RFX3: variants seen among roughly 807,000 people sequenced by gnomAD.
RFX3 encodes regulatory factor X3, also known as transcription factor RFX3.
Under a neutral mutation model 98.6 loss-of-function variants are expected in RFX3, and 14 were observed. The ratio of observed to expected loss-of-function variants is 0.14; its 90% CI spans 0.09 to 0.22. The LOEUF is 0.22. RFX3 is among the 10% of genes least tolerant of loss of function. The probability of loss-of-function intolerance (pLI) is 1.00; values close to 1 mark genes in which losing one functional copy is unlikely to be tolerated. For missense variants in RFX3, 639 were observed against 926.9 expected (o/e 0.69, Z 4.03); for synonymous variants, 383 against 328.4 (o/e 1.17, Z -1.80).
At chr9:3,367,478 A>G (rs1472516667) in intron 2 of RFX3, among the ~76,000 whole-genome samples, 3 of 152,218 alleles carry the variant, frequency 2.0e-5, no homozygotes, top group Admixed American at 6.5e-5. Flanking sequence ...AGAGAACTCA[A>G]TCAAGCACCC....
chr9:3,374,220 T>C (rs1166575465), intron 2 of RFX3, among the ~76,000 whole-genome samples: 3 of 151,988 alleles, frequency 2.0e-5, no homozygotes, highest in Non-Finnish European at 4.4e-5. Context: ...TTGCGCTCTG[T>C]TGGTGGGGAT....
chr9:3,509,593 A>G (rs1038753495), intron 1 of RFX3, among the ~76,000 whole-genome samples: 4 of 152,006 alleles, frequency 2.6e-5, no homozygotes, highest in African/African-American at 4.8e-5. Flanking sequence ...TTTGGAAAAC[A>G]TTTTTAAATT....
intron 4 of RFX3, among the ~76,000 whole-genome samples, chr9:3,320,829 C>T (rs1831211611): frequency 7.5e-6 from 1 of 134,226 alleles, no homozygotes; most frequent in Admixed American, 8.2e-5. Flanking sequence ...TATCTAGGGG[C>T]TACATGTAAT....
At chr9:3,278,216 A>G (rs1428413369) in intron 7 of RFX3, among the ~76,000 whole-genome samples, 2 of 151,874 alleles carry the variant, frequency 1.3e-5, no homozygotes, top group African/African-American at 2.4e-5. Flanking sequence ...AAAAAGAAAT[A>G]TCATATAAAA....
intron 15 of RFX3, among the ~76,000 whole-genome samples, chr9:3,244,166 C>T (rs911786570): frequency 3.3e-5 from 5 of 151,902 alleles, no homozygotes; most frequent in African/African-American, 1.2e-4. Flanking sequence ...CCACGCCCGC[C>T]TAATTTTTTT....
intron 7 of RFX3, among the ~76,000 whole-genome samples, chr9:3,279,480 C>T (rs1476958801): frequency 6.6e-6 from 1 of 151,686 alleles, no homozygotes; most frequent in Admixed American, 6.6e-5. Flanking sequence ...ATTTTTAATA[C>T]AGGATTGCAA....
At chr9:3,405,459 C>G (rs1466055017) in intron 1 of RFX3, among the ~76,000 whole-genome samples, 1 of 152,190 alleles carries the variant, frequency 6.6e-6, no homozygotes, top group Non-Finnish European at 1.5e-5. Context: ...CACCTGTTCA[C>G]ATGAAATCAT....
At chr9:3,440,989 G>C (rs1024333104) in intron 1 of RFX3, among the ~76,000 whole-genome samples, 1 of 152,148 alleles carries the variant, frequency 6.6e-6, no homozygotes, top group Non-Finnish European at 1.5e-5. Flanking sequence ...AAAGAAAGAA[G>C]TTTAACAAGT....
chr9:3,352,993 T>A (rs1003451264), intron 2 of RFX3, among the ~76,000 whole-genome samples: 1 of 151,912 alleles, frequency 6.6e-6, no homozygotes, highest in Non-Finnish European at 1.5e-5. Flanking sequence ...GTGGCACATA[T>A]ACACCATGGA....
chr9:3,261,479 A>G (rs539213672), intron 13 of RFX3, among the ~76,000 whole-genome samples: 2 of 152,200 alleles, frequency 1.3e-5, no homozygotes, highest in Non-Finnish European at 2.9e-5. Flanking sequence ...TCAGAACTTC[A>G]TTTCTTTTTA....
chr9:3,361,187 G>T (rs929239220), intron 2 of RFX3, among the ~76,000 whole-genome samples: 1 of 152,096 alleles, frequency 6.6e-6, no homozygotes, highest in Non-Finnish European at 1.5e-5. Flanking sequence ...GAAGGAAAAA[G>T]GACCCACATT....
chr9:3,521,864 T>C (rs1360987583), intron 1 of RFX3, among the ~76,000 whole-genome samples: 1 of 152,146 alleles, frequency 6.6e-6, no homozygotes, highest in Non-Finnish European at 1.5e-5. Flanking sequence ...GGGGTTTGAC[T>C]TGGGTGTGTA....
intron 1 of RFX3, among the ~76,000 whole-genome samples, chr9:3,504,157 T>C (rs1275502167): frequency 1.1e-5 from 1 of 90,078 alleles, no homozygotes; most frequent in Non-Finnish European, 1.7e-5. Context: ...ATACATATTA[T>C]ATATTATATA....
intron 6 of RFX3, among the ~76,000 whole-genome samples, chr9:3,292,084 A>C (rs935145868): frequency 0.022 from 3,174 of 143,414 alleles, 179 homozygotes; most frequent in African/African-American, 0.066. Flanking sequence ...AAAAAAAAAA[A>C]AAAAAAAAAA....
intron 1 of RFX3, among the ~76,000 whole-genome samples, chr9:3,438,599 A>C (rs1174174886): frequency 6.7e-6 from 1 of 148,180 alleles, no homozygotes; most frequent in Non-Finnish European, 1.5e-5. Context: ...AGGTTAATAG[A>C]CTCCTAAAAA....
intron 7 of RFX3, among the ~76,000 whole-genome samples, chr9:3,283,485 C>A (rs987685878): frequency 2.0e-5 from 3 of 151,632 alleles, no homozygotes; most frequent in African/African-American, 7.3e-5. Context: ...ACTCAATTCC[C>A]CATTTTCCAA....
At chr9:3,374,090 G>A (rs965265619) in intron 2 of RFX3, among the ~76,000 whole-genome samples, 22 of 143,880 alleles carry the variant, frequency 1.5e-4, no homozygotes, top group South Asian at 1.1e-3. Flanking sequence ...ACACACACGC[G>A]CGCACACACA....
intron 1 of RFX3, among the ~76,000 whole-genome samples, chr9:3,480,527 A>T (rs1043716440): frequency 6.6e-6 from 1 of 152,220 alleles, no homozygotes; most frequent in African/African-American, 2.4e-5. Context: ...CATCAATGTA[A>T]TAGACAACTA....
chr9:3,445,405 T>G (rs916929536), intron 1 of RFX3, among the ~76,000 whole-genome samples: 9 of 152,112 alleles, frequency 5.9e-5, no homozygotes, highest in Admixed American at 6.6e-5. Context: ...TATCAATACT[T>G]CAAGATAGCT....
Sources: allele counts gnomAD v4.1 joint callset (sites outside exome capture counted in the v4.1 genomes callset), GRCh38; gene constraint gnomAD v4.1.1; transcripts MANE v1.5; gene names NCBI Gene and HGNC (gene_info 2026-07-23, HGNC 2026-07-21).